CCDC66: variants seen among roughly 807,000 people sequenced by gnomAD.
CCDC66 encodes the protein coiled-coil domain containing 66, also known as coiled-coil domain-containing protein 66.
A neutral mutation model predicts 128.3 loss-of-function variants in CCDC66; 133 were observed. The observed-to-expected ratio is 1.04, with a 90% CI of 0.90 to 1.20. CCDC66 has a LOEUF of 1.20. Ranked by LOEUF, CCDC66 falls within the 50% of genes most tolerant of loss-of-function variation. CCDC66 has a pLI of 0.00. For synonymous variants in CCDC66, 387 were observed against 357.0 expected (o/e 1.08, Z -0.95); for missense variants, 1,126 against 1,075.5 (o/e 1.05, Z -0.66).
chr3:56,617,596 A>G lies in CCDC66; in HGVS notation c.2328A>G (p.Leu776=). 1 of 1,597,788 alleles carries G rather than the reference A, an allele frequency of 6.3e-7. No individual in the cohort carries two copies. The highest frequency in any genetic ancestry group is 8.5e-7 in the Non-Finnish European group (1 of 1,175,332). ...QETESKLRWH[L]VKKEEEPLNI... Reference sequence around the variant, plus strand: ...CGGAGTCAAAGTTGAGGTGGCATCTAGTCAAAAAGGTAAAGCTCTTCCATC... The same window carrying G: ...CGGAGTCAAAGTTGAGGTGGCATCTGGTCAAAAAGGTAAAGCTCTTCCATC... The change falls in exon 14 of 18, where the codon CTA becomes CTG. Residue 776 remains leucine, a synonymous_variant. Transcript: ENST00000394672.
chr3:56,562,835 T>C (rs1332330506), intron 3 of CCDC66, among the ~76,000 whole-genome samples: 2 of 151,068 alleles, frequency 1.3e-5, no homozygotes, highest in African/African-American at 2.4e-5. Flanking sequence ...TTAGTAGAGA[T>C]GGTGTTTTAC....
intron 7 of CCDC66, among the ~76,000 whole-genome samples, 168 bp from the exon 8 acceptor site, chr3:56,592,802 T>A (rs1167352159): frequency 2.6e-5 from 4 of 152,198 alleles, no homozygotes; most frequent in African/African-American, 9.6e-5. Context: ...AGAATCAGAA[T>A]ATATCTACTT....
chr3:56,617,413 A>G lies in CCDC66; in HGVS notation c.2145A>G (p.Ala715=), dbSNP rs2075653923. ...INKPPKRYIP[A]SEKYPKQLQK... is the part of the protein sequence containing the mutation. ...AGCCACCTAAAAGGTATATTCCAGC[A>G]TCAGAAAAGTACCCTAAACAGCTTC... Residue 715 remains alanine (A), a synonymous_variant, in exon 14 of 18, where the codon GCA becomes GCG. Transcript: ENST00000394672. 3 of 1,613,980 alleles carry G rather than the reference A, an allele frequency of 1.9e-6. No individual in the cohort carries two copies. The highest frequency in any genetic ancestry group is 1.7e-5 in the Admixed American group (1 of 59,992).
At position 56,593,585 on chromosome 3, in the gene CCDC66, A is replaced by G; in HGVS notation, c.1163A>G (p.Gln388Arg). ...CTGTTCTCTCAGTCAACACACAAAC[A>G]ACCTGAGTACTTCTGTGTCTCTCCT... ...SQLFSQSTHK[Q>R]PEYFCVSPDT... is the part of the protein sequence containing the mutation. The change falls in exon 9 of 18, where the codon CAA becomes CGA. Residue 388 changes from glutamine to arginine, a missense_variant. Coordinates refer to ENST00000394672, the MANE Select transcript of CCDC66 (RefSeq NM_001141947.3). The G allele has an allele frequency of 1.2e-6, 2 of 1,614,192 alleles. No individual in the cohort carries two copies. The highest frequency in any genetic ancestry group is 1.7e-6 in the Non-Finnish European group (2 of 1,180,010).
At chr3:56,620,269 C>T (rs917881609) in intron 17 of CCDC66, 5 of 157,128 alleles carry the variant, frequency 3.2e-5, no homozygotes, top group Admixed American at 1.9e-4. Context: ...AAAAAATTGA[C>T]GTGTTGGCAG....
At chr3:56,564,669 C>T (rs2065551940) in intron 4 of CCDC66, among the ~76,000 whole-genome samples, 1 of 152,108 alleles carries the variant, frequency 6.6e-6, no homozygotes, top group Non-Finnish European at 1.5e-5. Flanking sequence ...TTTCACAAGT[C>T]CTGGCATTGT....
chr3:56,607,467 C>G (rs146932974), intron 10 of CCDC66, among the ~76,000 whole-genome samples: 1,866 of 152,168 alleles, frequency 0.012, 46 homozygotes, highest in African/African-American at 0.042. Context: ...AGAAGAGCTA[C>G]TGATTTGTGT....
chr3:56,600,774 G>C (rs1319741685), intron 10 of CCDC66, among the ~76,000 whole-genome samples: 1 of 152,066 alleles, frequency 6.6e-6, no homozygotes, highest in African/African-American at 2.4e-5. Flanking sequence ...CTGCATAAAT[G>C]TCTTCTTTTG....
At chr3:56,585,149 G>A (rs1254222678) in intron 7 of CCDC66, among the ~76,000 whole-genome samples, 3 of 150,252 alleles carry the variant, frequency 2.0e-5, no homozygotes, top group Non-Finnish European at 1.5e-5. Context: ...GAGGGAGAGG[G>A]AGAGGGACTA....
At position 56,619,252 on chromosome 3, in the gene CCDC66, CTATT is replaced by C; in HGVS notation, c.2379-17_2379-14del. ...CTTAATCTAAATACACAATTTTTTA[CTATT>C]TTTTTTTTAAATAGGTCTCCATCAT... On this transcript the variant is annotated splice_polypyrimidine_tract_variant and intron_variant, in intron 15 of 17. Coordinates refer to ENST00000394672, the MANE Select transcript of CCDC66 (RefSeq NM_001141947.3). 6.6e-7 allele frequency: 1 copy of C among 1,524,172 alleles called. No individual in the cohort carries two copies. The highest frequency in any genetic ancestry group is 2.3e-5 in the East Asian group (1 of 43,446). The allele number at this position is 1,524,172 out of a possible 1,614,324, so 94.4% of individuals were successfully genotyped here. A position where few individuals can be genotyped will look rare whatever the true frequency, so the allele number is the denominator to read the frequency against.
At position 56,584,009 on chromosome 3, in the gene CCDC66, G is replaced by C. The variant is rs1376329040; in HGVS notation, c.937-8961G>C. Among the ~76,000 whole-genome samples the C allele has an allele frequency of 2.2e-5, 3 of 134,766 alleles. 1 individual carries two copies. Among genetic ancestry groups the C allele is most frequent in the Admixed American group, 7.3e-5 (1 of 13,680 alleles). 88.4% of individuals were successfully genotyped at this position (134,766 alleles called of 152,430 possible). On this transcript the variant is annotated intron_variant, in intron 7 of 17. Transcript: ENST00000394672. Reference sequence around the variant, plus strand: ...CCCTCCCGGACGGGGCGGCTGGCCGGGCGGGGGGCTGCCCCCCACCTCCCT... The same window carrying C: ...CCCTCCCGGACGGGGCGGCTGGCCGCGCGGGGGGCTGCCCCCCACCTCCCT...
In CCDC66 at chr3:56,616,830, G is replaced by A. The variant is rs1012890560; in HGVS notation, c.1844-282G>A. 18 of 305,346 alleles carry A rather than the reference G, an allele frequency of 5.9e-5. 1 individual carries two copies. Among genetic ancestry groups the A allele is most frequent in the Admixed American group, 9.5e-5 (2 of 21,154 alleles). The allele number at this position is 305,346 out of a possible 1,614,324, so 18.9% of individuals were successfully genotyped here. A position where few individuals can be genotyped will look rare whatever the true frequency, so the allele number is the denominator to read the frequency against. On this transcript the variant is annotated intron_variant, in intron 13 of 17. Transcript: ENST00000394672. ...CTTGTTATTCTACTGGTTGTGAAGTGGTATCTCAGGTGGTTTTGGTTTGCA... is the reference window on the plus strand; with the variant it reads ...CTTGTTATTCTACTGGTTGTGAAGTAGTATCTCAGGTGGTTTTGGTTTGCA...
chr3:56,617,766 G>T, intron 14 of CCDC66, 161 bp downstream of exon 14: 1 of 820,318 alleles, frequency 1.2e-6, no homozygotes, highest in Non-Finnish European at 1.9e-6. Context: ...CCTGTTTTTG[G>T]AAAGTTTTAT....
chr3:56,597,796 A>T (rs1181860192), intron 10 of CCDC66, among the ~76,000 whole-genome samples: 2 of 994 alleles, frequency 2.0e-3, no homozygotes, highest in Admixed American at 0.011. Flanking sequence ...TTTTTTTGAG[A>T]CAGAGCCTCG....
intron 7 of CCDC66, among the ~76,000 whole-genome samples, chr3:56,574,290 A>C (rs994643868): frequency 1.4e-5 from 2 of 147,782 alleles, no homozygotes; most frequent in Non-Finnish European, 3.0e-5. Flanking sequence ...TGAACCTGGG[A>C]GGTGGAGGTT....
chr3:56,613,877 A>T, intron 11 of CCDC66, 127 bp downstream of exon 11: 1 of 728,710 alleles, frequency 1.4e-6, no homozygotes, highest in Non-Finnish European at 2.3e-6. Flanking sequence ...ACCTCTGGGC[A>T]CAAGTTGTCC....
chr3:56,591,502 A>T (rs1049626522), intron 7 of CCDC66, among the ~76,000 whole-genome samples: 4 of 152,328 alleles, frequency 2.6e-5, no homozygotes, highest in Non-Finnish European at 2.9e-5. Context: ...CTTAAAAAAA[A>T]TTGCAAAACA....
At chr3:56,618,407 G>A in intron 15 of CCDC66, 195 bp downstream of exon 15, 1 of 515,344 alleles carries the variant, frequency 1.9e-6, no homozygotes, top group South Asian at 3.4e-5. Context: ...AGTTGGACTG[G>A]GCCTAGGCAG....
At chr3:56,594,691 A>G (rs1396433027) in intron 10 of CCDC66, among the ~76,000 whole-genome samples, 1 of 152,118 alleles carries the variant, frequency 6.6e-6, no homozygotes, top group African/African-American at 2.4e-5. Flanking sequence ...TCAAAAAAAA[A>G]AAAGAAATCT....
Sources: gnomAD v4.1 joint callset for allele counts (sites outside exome capture counted in the v4.1 genomes callset) on GRCh38, gnomAD v4.1.1 for gene constraint, MANE v1.5 for transcripts, NCBI Gene and HGNC (gene_info 2026-07-23, HGNC 2026-07-21) for gene names.